The following CUBN variants were observed in gnomAD, a reference collection of about 807,000 sequenced individuals.
CUBN encodes 460 kDa receptor.
A neutral mutation model predicts 405.3 loss-of-function variants in CUBN; 282 were observed. That is an observed-to-expected ratio of 0.70 (90% CI 0.63 to 0.77). CUBN has a LOEUF of 0.77. CUBN is among the 30% of genes least tolerant of loss of function. The pLI, the probability that CUBN is intolerant of heterozygous loss-of-function variation, is 0.00. For missense variants in CUBN, 4,514 were observed against 4,475.2 expected (o/e 1.01, Z -0.25); for synonymous variants, 1,684 against 1,617.0 (o/e 1.04, Z -0.99).
intron 10 of CUBN, among the ~76,000 whole-genome samples, chr10:17,108,052 T>C (rs1836678156): frequency 1.3e-5 from 2 of 152,198 alleles, no homozygotes; most frequent in South Asian, 4.1e-4. Context: ...AGCCTAAAAG[T>C]ACACAAAGTG....
In CUBN at chr10:16,825,525, CAT is replaced by C. The variant is rs769165150; in HGVS notation, c.10765-445_10765-444del. Among the ~76,000 whole-genome samples the C allele has an allele frequency of 2.6e-5, 4 of 152,146 alleles. No homozygotes were observed. In the South Asian group the frequency reaches 8.3e-4, roughly 32 times the overall value. On this transcript the variant is annotated intron_variant, in intron 66 of 66. Coordinates refer to ENST00000377833, the MANE Select transcript of CUBN (RefSeq NM_001081.4). ...GCAAATTTAATTTTTCTGAAACAAA[CAT>C]ATATAATTAAAATGATCCTATTAAG...
At chr10:17,035,649 C>T (rs74120112) in intron 27 of CUBN, among the ~76,000 whole-genome samples, 17,127 of 152,112 alleles carry the variant, frequency 0.11, 1,256 homozygotes, top group South Asian at 0.32. Context: ...GTTTTCAACG[C>T]AGCCATAAAA....
intron 59 of CUBN, among the ~76,000 whole-genome samples, chr10:16,863,664 T>C (rs546409925): frequency 6.6e-6 from 1 of 152,364 alleles, no homozygotes; most frequent in East Asian, 1.9e-4. Context: ...ACTGGGAAAC[T>C]TAAAAATAAC....
chr10:16,915,187 T>A lies in CUBN; in HGVS notation c.7211-15A>T, dbSNP rs750937717. 1.9e-6 allele frequency: 3 copies of A among 1,613,348 alleles called. No individual in the cohort carries two copies. In the South Asian group the frequency reaches 3.3e-5, roughly 18 times the overall value. ...CAAGATGTTTCCTGTGAGAGACAAA[T>A]AATTAAATATACATGTCCAAGTGAT... is the stretch of plus-strand genomic sequence containing the variant. On this transcript the variant is annotated splice_polypyrimidine_tract_variant and intron_variant, in intron 46 of 66. Transcript: ENST00000377833.
intron 3 of CUBN, among the ~76,000 whole-genome samples, chr10:17,127,264 C>CTTTT (rs34414528): frequency 1.7e-4 from 14 of 82,826 alleles, no homozygotes; most frequent in East Asian, 3.3e-4. Flanking sequence ...CTCTCTCTTT[C>CTTTT]TTTTTTTTTT....
intron 49 of CUBN, among the ~76,000 whole-genome samples, chr10:16,906,693 C>T (rs1236699613): frequency 1.3e-5 from 2 of 152,168 alleles, no homozygotes; most frequent in South Asian, 2.1e-4. Flanking sequence ...TTGAGGCCTA[C>T]TGTTCATTAA....
chr10:16,889,966 C>T (rs1331331264), intron 55 of CUBN, among the ~76,000 whole-genome samples: 1 of 121,308 alleles, frequency 8.2e-6, no homozygotes, highest in Non-Finnish European at 1.6e-5. Flanking sequence ...GGAAAGACTT[C>T]GTCATGGAAA....
intron 31 of CUBN, among the ~76,000 whole-genome samples, chr10:16,962,105 T>G (rs531208561): frequency 7.4e-4 from 112 of 152,304 alleles, no homozygotes; most frequent in Non-Finnish European, 1.3e-3. Context: ...TGGGGACAAG[T>G]TGCCCCCTTC....
At chr10:17,066,457 G>T (rs1835615937) in intron 21 of CUBN, among the ~76,000 whole-genome samples, 1 of 152,104 alleles carries the variant, frequency 6.6e-6, no homozygotes, top group Admixed American at 6.5e-5. Context: ...AGGAAATGTT[G>T]AGTACGGGAA....
chr10:16,919,374 C>T (rs1431199851), intron 44 of CUBN, among the ~76,000 whole-genome samples: 2 of 152,212 alleles, frequency 1.3e-5, no homozygotes, highest in African/African-American at 2.4e-5. Context: ...TGCACCACAG[C>T]TGCATTCATG....
intron 48 of CUBN, among the ~76,000 whole-genome samples, chr10:16,908,385 T>C (rs1841618451): frequency 6.6e-6 from 1 of 152,156 alleles, no homozygotes; most frequent in African/African-American, 2.4e-5. Context: ...CTTCAGGTGA[T>C]CCACCTGCTT....
At position 16,824,933 on chromosome 10, in the gene CUBN, C is replaced by A. The variant is rs759672097; in HGVS notation, c.*42G>T. On this transcript the variant is annotated 3_prime_UTR_variant, in exon 67 of 67. Transcript: ENST00000377833. ...GGATGGCAGAGTGCTGTCCAGCGTG[C>A]TGCAGAGGGAAAGTGCTGAGTGAAC... The A allele has an allele frequency of 2.2e-6, 3 of 1,386,302 alleles. No individual in the cohort carries two copies. The South Asian group carries it at 3.5e-5, about 16-fold the overall frequency. The allele number at this position is 1,386,302 out of a possible 1,614,324, so 85.9% of individuals were successfully genotyped here. A position where few individuals can be genotyped will look rare whatever the true frequency, so the allele number is the denominator to read the frequency against.
At chr10:16,881,458 T>G (rs1222516071) in intron 56 of CUBN, among the ~76,000 whole-genome samples, 7 of 152,180 alleles carry the variant, frequency 4.6e-5, no homozygotes. Context: ...CATCAACAAT[T>G]TATTAAATGT....
Position 16,906,343 on chromosome 10 carries a change from C to A in CUBN, c.7772G>T (p.Arg2591Met), listed in dbSNP as rs777895910. 10 of 1,613,924 alleles carry A rather than the reference C, an allele frequency of 6.2e-6. No individual in the cohort carries two copies. The African/African-American group carries it at 9.3e-5, about 15-fold the overall frequency. ...GCAGTTCAGGTTTCTTGAGTAATTCCTGACTCCGTCATAGCCAGGAGAAGT... is the reference window on the plus strand; with the variant it reads ...GCAGTTCAGGTTTCTTGAGTAATTCATGACTCCGTCATAGCCAGGAGAAGT... ...NFTSPGYDGV[R>M]NYSRNLNCEW... The change falls in exon 50 of 67, where the codon AGG becomes ATG. Residue 2591 changes from arginine (R) to methionine (M), a missense_variant. By Grantham distance (91) the Arg-to-Met change is moderately conservative (BLOSUM62 -1). Around this residue, in one of 5 missense-constraint regions of CUBN, gnomAD observed 1,613 missense variants for 1,542.8 expected, o/e 1.05. Coordinates refer to ENST00000377833, the MANE Select transcript of CUBN (RefSeq NM_001081.4).
intron 50 of CUBN, among the ~76,000 whole-genome samples, chr10:16,905,031 G>T (rs74116760): frequency 6.6e-6 from 1 of 152,162 alleles, no homozygotes; most frequent in Non-Finnish European, 1.5e-5. Context: ...TGTCGCTCAC[G>T]TTCTCAAAGG....
chr10:17,055,318 T>C (rs1196678298), intron 22 of CUBN, among the ~76,000 whole-genome samples: 11 of 152,018 alleles, frequency 7.2e-5, no homozygotes, highest in Non-Finnish European at 1.3e-4. Context: ...CATACTTAAG[T>C]GGTAAAGGAC....
In CUBN at chr10:16,995,282, A is replaced by G. The variant is rs188732007; in HGVS notation, c.4169-4767T>C. Among the ~76,000 whole-genome samples, 61 of 152,334 alleles carry G rather than the reference A, an allele frequency of 4.0e-4. 1 individual carries two copies. Among genetic ancestry groups the G allele is most frequent in the Non-Finnish European group, 5.9e-5 (4 of 68,026 alleles). ...ACTTTTGGAAACATTATAGTGTAAC[A>G]GAGGAAGCATGGGCTGTAGTTCAGA... On this transcript the variant is annotated intron_variant, in intron 28 of 66. Transcript: ENST00000377833.
At position 17,084,385 on chromosome 10, in the gene CUBN, A is replaced by C. The variant is rs1836051309; in HGVS notation, c.2187T>G (p.Thr729=). ...LFLPELSGPF[T]HTRQCVYMMK... ...TCATATAGACGCATTGCCTGGTGTGAGTGAAAGGCCCAGACAACTCAGGCA... is the reference window on the plus strand; with the variant it reads ...TCATATAGACGCATTGCCTGGTGTGCGTGAAAGGCCCAGACAACTCAGGCA... Residue 729 remains threonine, a synonymous_variant, in exon 17 of 67, where the codon ACT becomes ACG. Transcript: ENST00000377833. The C allele has an allele frequency of 1.2e-6, 2 of 1,614,008 alleles. No individual in the cohort carries two copies.
intron 28 of CUBN, among the ~76,000 whole-genome samples, chr10:16,992,178 G>A (rs1052613104): frequency 6.6e-6 from 1 of 152,124 alleles, no homozygotes; most frequent in Non-Finnish European, 1.5e-5. Flanking sequence ...ACTCATAGGT[G>A]GGAATTCAAC....
Sources: allele counts gnomAD v4.1 joint callset (sites outside exome capture counted in the v4.1 genomes callset), GRCh38; gene constraint gnomAD v4.1.1; regional missense constraint gnomAD v4.1.1; transcripts MANE v1.5; gene names NCBI Gene and HGNC (gene_info 2026-07-23, HGNC 2026-07-21).